DYM: variants seen among roughly 807,000 people sequenced by gnomAD.
DYM encodes dymeclin.
In DYM, 78 loss-of-function variants were observed where a neutral mutation model predicts 93.1. That is an observed-to-expected ratio of 0.84 (90% CI 0.70 to 1.01). The LOEUF is 1.01. DYM is among the 50% of genes least tolerant of loss of function. The probability of loss-of-function intolerance (pLI) is 0.00; values close to 1 mark genes in which losing one functional copy is unlikely to be tolerated. For synonymous variants in DYM, 321 were observed against 319.7 expected, an observed-to-expected ratio of 1.00 and a Z score of -0.04; for missense variants, 789 against 845.0, an observed-to-expected ratio of 0.93 and a Z score of 0.82.
At chr18:49,135,431 G>A (rs1374722608) in intron 15 of DYM, among the ~76,000 whole-genome samples, 1 of 152,144 alleles carries the variant, frequency 6.6e-6, no homozygotes, top group African/African-American at 2.4e-5. Flanking sequence ...TTATATGACC[G>A]TGGGCGAGGG....
Position 49,322,701 on chromosome 18 carries a change from AAT to A in DYM, c.763+9161_763+9162del, listed in dbSNP as rs572534972. ...ATAATTTATTTACATTAAAAATCTG[AAT>A]AAACTTGGAAATCATAAGGCCTTTA... On this transcript the variant is annotated intron_variant, in intron 8 of 17. Transcript: ENST00000675505. Among the ~76,000 whole-genome samples the A allele has an allele frequency of 4.9e-3, 742 of 152,228 alleles. 4 individuals carry two copies. Among genetic ancestry groups the A allele is most frequent in the Non-Finnish European group, 7.1e-3 (484 of 68,008 alleles).
chr18:49,250,179 CACTA>C (rs1400221232), intron 13 of DYM, among the ~76,000 whole-genome samples: 12 of 152,318 alleles, frequency 7.9e-5, no homozygotes, highest in African/African-American at 2.2e-4. Flanking sequence ...AAGAATCAGT[CACTA>C]ACTATTTATT....
At chr18:49,190,527 A>G (rs1295782338) in intron 14 of DYM, among the ~76,000 whole-genome samples, 1 of 152,214 alleles carries the variant, frequency 6.6e-6, no homozygotes, top group Non-Finnish European at 1.5e-5. Context: ...TACTGTTATA[A>G]TTAATAGGGT....
chr18:49,212,760 G>A (rs2092843142), intron 13 of DYM, among the ~76,000 whole-genome samples: 1 of 151,964 alleles, frequency 6.6e-6, no homozygotes, highest in Non-Finnish European at 1.5e-5. Context: ...GCCTTCCAAA[G>A]TGTTGAGATT....
intron 9 of DYM, among the ~76,000 whole-genome samples, chr18:49,283,606 G>A (rs931325990): frequency 6.6e-6 from 1 of 151,916 alleles, no homozygotes; most frequent in Non-Finnish European, 1.5e-5. Context: ...TAAGTTCAAT[G>A]GACTCAGAGA....
chr18:49,452,833 G>C lies in DYM; in HGVS notation c.-54+7565C>G, dbSNP rs2082642371. On this transcript the variant is annotated intron_variant, in intron 1 of 17. Transcript: ENST00000675505. ...CCAGCTGGGCTCCTGAGTCTAGTGG[G>C]GACTTGGAGAACCTTTATGTCTAGC... Among the ~76,000 whole-genome samples the C allele has an allele frequency of 1.5e-5, 2 of 134,396 alleles. 1 individual carries two copies. The highest frequency in any genetic ancestry group is 5.8e-5 in the African/African-American group (2 of 34,420). The allele number at this position is 134,396 out of a possible 152,430, so 88.2% of individuals were successfully genotyped here. A position where few individuals can be genotyped will look rare whatever the true frequency, so the allele number is the denominator to read the frequency against.
chr18:49,439,245 C>G (rs1478939529), intron 1 of DYM, among the ~76,000 whole-genome samples: 1 of 152,148 alleles, frequency 6.6e-6, no homozygotes, highest in Non-Finnish European at 1.5e-5. Flanking sequence ...CCTTATGTAA[C>G]TCTATGCTAG....
Position 49,430,352 on chromosome 18 carries a change from C to A in DYM, c.43G>T (p.Glu15Ter). The A allele has an allele frequency of 6.2e-7, 1 of 1,614,032 alleles. No homozygotes were observed. Among genetic ancestry groups the A allele is most frequent in the Non-Finnish European group, 8.5e-7 (1 of 1,179,996 alleles). Residue 15 changes from glutamate (E) to a stop codon, truncating the protein, a stop_gained, in exon 2 of 18, where the codon GAG becomes TAG. Transcript: ENST00000675505. LOFTEE classifies it high-confidence loss of function. The part of the protein sequence containing the change: ...SSRIGDLPKN[E>*]YLKKLSGTES... ...GTGCCTGATAACTTTTTCAAGTACT[C>A]ATTTTTAGGAAGATCGCCGATTCTG...
intron 1 of DYM, among the ~76,000 whole-genome samples, chr18:49,438,963 A>T (rs996073627): frequency 1.3e-5 from 2 of 152,190 alleles, no homozygotes. Context: ...ACACTATTGG[A>T]TAATCTCCAA....
chr18:49,308,102 C>T (rs1470532857), intron 8 of DYM, among the ~76,000 whole-genome samples: 1 of 151,948 alleles, frequency 6.6e-6, no homozygotes, highest in African/African-American at 2.4e-5. Context: ...ACTTAATTTG[C>T]TGAAATATAA....
At chr18:49,157,620 A>T (rs1428907547) in intron 15 of DYM, among the ~76,000 whole-genome samples, 1 of 152,116 alleles carries the variant, frequency 6.6e-6, no homozygotes, top group African/African-American at 2.4e-5. Context: ...TTAAAATTCC[A>T]TTATCTTTTT....
Position 49,230,889 on chromosome 18 carries a change from T to C in DYM, c.1461-21174A>G, listed in dbSNP as rs1048140624. 8.5e-5 allele frequency among the ~76,000 whole-genome samples: 13 copies of C among 152,138 alleles called. 1 individual carries two copies. The highest frequency in any genetic ancestry group is 3.1e-4 in the African/African-American group (13 of 41,432). ...CCATGCAGAAAAACTCAATAACCTA[T>C]ATGTAGAAATAAGTAAAAGGCAAAA... On this transcript the variant is annotated intron_variant, in intron 13 of 17. Transcript: ENST00000675505.
chr18:49,071,908 A>G (rs933383353), intron 17 of DYM, among the ~76,000 whole-genome samples: 4 of 152,170 alleles, frequency 2.6e-5, no homozygotes, highest in Non-Finnish European at 4.4e-5. Context: ...ACTGCTATCA[A>G]TTAGCTAGCA....
At chr18:49,267,746 A>G (rs923346916) in intron 11 of DYM, among the ~76,000 whole-genome samples, 1 of 152,140 alleles carries the variant, frequency 6.6e-6, no homozygotes, top group African/African-American at 2.4e-5. Flanking sequence ...AAAAATACAA[A>G]AATTAGCCAG....
At chr18:49,271,971 G>A (rs528849083) in intron 11 of DYM, among the ~76,000 whole-genome samples, 2 of 141,006 alleles carry the variant, frequency 1.4e-5, no homozygotes, top group Non-Finnish European at 3.0e-5. Flanking sequence ...GAACCATTTT[G>A]AGAGAGTTTT....
At chr18:49,144,161 T>C (rs190112663) in intron 15 of DYM, among the ~76,000 whole-genome samples, 77 of 152,242 alleles carry the variant, frequency 5.1e-4, no homozygotes, top group East Asian at 1.9e-4. Context: ...TCCTTTCTTA[T>C]TGCAATTTGT....
At chr18:49,050,537 C>A (rs930444135) in intron 17 of DYM, among the ~76,000 whole-genome samples, 6 of 152,062 alleles carry the variant, frequency 3.9e-5, no homozygotes, top group African/African-American at 1.4e-4. Context: ...TCGTGCAGCA[C>A]GTTCAACAAC....
chr18:49,172,877 CTA>C (rs1365836241), intron 14 of DYM, among the ~76,000 whole-genome samples: 1 of 151,904 alleles, frequency 6.6e-6, no homozygotes, highest in African/African-American at 2.4e-5. Context: ...CAAAGATTTT[CTA>C]TGATTTCTTC....
rs375841685 is a variant in DYM, at chr18:49,349,746, A to C, written c.494+13415T>G. Among the ~76,000 whole-genome samples the C allele has an allele frequency of 3.3e-5, 5 of 152,320 alleles. No individual in the cohort carries two copies. The East Asian group carries it at 7.7e-4, about 23-fold the overall frequency. On this transcript the variant is annotated intron_variant, in intron 6 of 17. Transcript: ENST00000675505. ...AAAGGCAGAAAGATTGCTTGAGGCC[A>C]GAAGTTTGAGACCAGCCTGGGTAAC...
Sources: allele counts gnomAD v4.1 joint callset (sites outside exome capture counted in the v4.1 genomes callset), GRCh38; gene constraint gnomAD v4.1.1; transcripts MANE v1.5; gene names NCBI Gene and HGNC (gene_info 2026-07-23, HGNC 2026-07-21).